Variants in ENTHD1 observed in about 807,000 individuals in gnomAD.
ENTHD1 encodes the protein ENTH domain-containing protein 1.
In ENTHD1, 23 loss-of-function variants were observed where a neutral mutation model predicts 39.1. The ratio of observed to expected loss-of-function variants is 0.59; its 90% CI spans 0.42 to 0.83. The LOEUF (loss-of-function observed/expected upper bound fraction) is 0.83. Ranked by LOEUF, ENTHD1 falls within the 40% of genes least tolerant of loss-of-function variation. The probability of loss-of-function intolerance (pLI) is 0.00; values close to 1 mark genes in which losing one functional copy is unlikely to be tolerated. For synonymous variants in ENTHD1, 230 were observed against 258.2 expected, an observed-to-expected ratio of 0.89 and a Z score of 1.05; for missense variants, 624 against 705.4, an observed-to-expected ratio of 0.88 and a Z score of 1.31.
chr22:39,782,869 C>A (rs1396813735), intron 5 of ENTHD1, among the ~76,000 whole-genome samples: 1 of 152,082 alleles, frequency 6.6e-6, no homozygotes, highest in Non-Finnish European at 1.5e-5. Context: ...AGATCTGGAA[C>A]AAGATAAGAA....
intron 4 of ENTHD1, among the ~76,000 whole-genome samples, chr22:39,821,985 A>T (rs2065786372): frequency 6.6e-6 from 1 of 152,216 alleles, no homozygotes; most frequent in Non-Finnish European, 1.5e-5. Context: ...TCAACTAAGA[A>T]TTTGGGAGGA....
chr22:39,820,395 T>C (rs1025908545), intron 5 of ENTHD1, among the ~76,000 whole-genome samples: 3 of 152,172 alleles, frequency 2.0e-5, no homozygotes, highest in East Asian at 1.9e-4. Flanking sequence ...AGATCTTCCA[T>C]TCTACTTTCT....
At chr22:39,761,540 C>T (rs1448676188) in intron 6 of ENTHD1, among the ~76,000 whole-genome samples, 2 of 152,124 alleles carry the variant, frequency 1.3e-5, no homozygotes, top group African/African-American at 4.8e-5. Flanking sequence ...GTCTTTTCCT[C>T]ACCTTTTAGA....
chr22:39,798,550 G>A (rs1702103893), intron 5 of ENTHD1, among the ~76,000 whole-genome samples: 1 of 152,138 alleles, frequency 6.6e-6, no homozygotes, highest in African/African-American at 2.4e-5. Flanking sequence ...TTAGGCTGTG[G>A]TTGTTAGTAG....
intron 4 of ENTHD1, among the ~76,000 whole-genome samples, chr22:39,825,249 G>C (rs939819736): frequency 4.6e-5 from 7 of 152,072 alleles, no homozygotes; most frequent in Admixed American, 3.3e-4. Flanking sequence ...ATTTCAAATG[G>C]TATTGTCTTA....
chr22:39,876,334 C>T (rs1482554483), intron 2 of ENTHD1, among the ~76,000 whole-genome samples: 2 of 152,100 alleles, frequency 1.3e-5, no homozygotes, highest in African/African-American at 2.4e-5. Context: ...CAGTCATACA[C>T]GCGAAAGGTA....
At position 39,743,430 on chromosome 22, in the gene ENTHD1, T is replaced by G. The variant is rs2063622122; in HGVS notation, c.*249A>C. 4.9e-6 allele frequency: 2 copies of G among 408,246 alleles called. No individual in the cohort carries two copies. Among genetic ancestry groups the G allele is most frequent in the Non-Finnish European group, 8.5e-6 (2 of 234,644 alleles). The allele number at this position is 408,246 out of a possible 1,614,324, so 25.3% of individuals were successfully genotyped here. A position where few individuals can be genotyped will look rare whatever the true frequency, so the allele number is the denominator to read the frequency against. On this transcript the variant is annotated 3_prime_UTR_variant, in exon 7 of 7. Transcript: ENST00000325157. ...ATTTGAGGTACAGAGCATGAAAGAA[T>G]GAAATTCTCTTCTGTTTCAAATGAA...
At chr22:39,873,778 AT>A (rs1255028402) in intron 2 of ENTHD1, among the ~76,000 whole-genome samples, 1 of 152,270 alleles carries the variant, frequency 6.6e-6, no homozygotes, top group African/African-American at 2.4e-5. Context: ...ACAAAAGCTA[AT>A]TCTAGATGGA....
intron 5 of ENTHD1, among the ~76,000 whole-genome samples, chr22:39,794,272 T>C (rs967626847): frequency 6.6e-6 from 1 of 152,132 alleles, no homozygotes; most frequent in African/African-American, 2.4e-5. Context: ...TCATTATTGG[T>C]GTATAGAAAT....
At chr22:39,761,982 A>G (rs1054407411) in intron 6 of ENTHD1, among the ~76,000 whole-genome samples, 1 of 152,110 alleles carries the variant, frequency 6.6e-6, no homozygotes, top group African/African-American at 2.4e-5. Flanking sequence ...ATGCCTAGTG[A>G]TTTTTAAAAT....
chr22:39,886,913 T>C (rs898117527), intron 2 of ENTHD1, among the ~76,000 whole-genome samples: 1 of 152,244 alleles, frequency 6.6e-6, no homozygotes, highest in Non-Finnish European at 1.5e-5. Flanking sequence ...TAATTATAAA[T>C]TACAGTGACA....
chr22:39,755,616 T>C (rs2065178883), intron 6 of ENTHD1, among the ~76,000 whole-genome samples: 1 of 152,118 alleles, frequency 6.6e-6, no homozygotes, highest in Non-Finnish European at 1.5e-5. Flanking sequence ...AGGATAGGCA[T>C]TTACTTGTTC....
intron 5 of ENTHD1, among the ~76,000 whole-genome samples, chr22:39,771,819 A>G (rs1336953415): frequency 6.6e-6 from 1 of 152,222 alleles, no homozygotes; most frequent in East Asian, 1.9e-4. Context: ...TGCCCGTAAA[A>G]CTTTATAACA....
intron 4 of ENTHD1, among the ~76,000 whole-genome samples, chr22:39,834,077 T>C (rs1240157607): frequency 1.3e-5 from 2 of 152,112 alleles, no homozygotes; most frequent in Non-Finnish European, 2.9e-5. Flanking sequence ...TGTGACATTG[T>C]TTAGGCAAAG....
At chr22:39,796,040 T>C (rs1405156823) in intron 5 of ENTHD1, among the ~76,000 whole-genome samples, 1 of 152,150 alleles carries the variant, frequency 6.6e-6, no homozygotes, top group African/African-American at 2.4e-5. Flanking sequence ...GTTGACGTTC[T>C]GTATTTTTTA....
intron 5 of ENTHD1, 93 bp downstream of exon 5, chr22:39,820,900 C>T: frequency 7.3e-7 from 1 of 1,377,426 alleles, no homozygotes; most frequent in African/African-American, 1.4e-5. Flanking sequence ...CTAGTTCTGT[C>T]CCTCATTAAC....
At position 39,766,496 on chromosome 22, in the gene ENTHD1, G is replaced by A. The variant is rs552884247; in HGVS notation, c.833-887C>T. Among the ~76,000 whole-genome samples, 10 of 152,200 alleles carry A rather than the reference G, an allele frequency of 6.6e-5. No homozygotes were observed. In the East Asian group the frequency reaches 1.4e-3, roughly 21 times the overall value. On this transcript the variant is annotated intron_variant, in intron 5 of 6. Transcript: ENST00000325157. ...GCTCTGTAACAGCTCCATCTGAACC[G>A]GGATACGAAAAGAAAGACCGTTATT...
chr22:39,785,415 C>A (rs917250096), intron 5 of ENTHD1, among the ~76,000 whole-genome samples: 3 of 152,196 alleles, frequency 2.0e-5, no homozygotes, highest in Non-Finnish European at 2.9e-5. Context: ...ATCTGGAAGT[C>A]GGCTTTGATC....
chr22:39,780,101 T>G (rs2065396299), intron 5 of ENTHD1, among the ~76,000 whole-genome samples: 1 of 152,130 alleles, frequency 6.6e-6, no homozygotes, highest in Admixed American at 6.5e-5. Flanking sequence ...GGGCTGTGTG[T>G]GGTGGCTCAT....
Sources: allele counts gnomAD v4.1 joint callset (sites outside exome capture counted in the v4.1 genomes callset), GRCh38; gene constraint gnomAD v4.1.1; transcripts MANE v1.5; gene names NCBI Gene and HGNC (gene_info 2026-07-23, HGNC 2026-07-21).